ITPKC: variants seen among roughly 807,000 people sequenced by gnomAD.
The protein encoded by ITPKC is inositol-trisphosphate 3-kinase C, also known as IP3 3-kinase C.
ITPKC carries 33 observed loss-of-function variants against 67.1 expected under a neutral mutation model. The ratio of observed to expected loss-of-function variants is 0.49; its 90% CI spans 0.37 to 0.66. The LOEUF (loss-of-function observed/expected upper bound fraction) is 0.66. ITPKC is among the 30% of genes least tolerant of loss of function. ITPKC has a pLI of 0.00. For missense variants in ITPKC, 820 were observed against 892.1 expected (o/e 0.92, Z 1.03); for synonymous variants, 341 against 359.8 (o/e 0.95, Z 0.59).
rs1177732392 is a variant in ITPKC at position 40,740,024 on chromosome 19, T to C, written c.*464T>C. 3 of 173,406 alleles carry C rather than the reference T, an allele frequency of 1.7e-5. No homozygotes were observed. Among genetic ancestry groups the C allele is most frequent in the African/African-American group, 7.2e-5 (3 of 41,800 alleles). The allele number at this position is 173,406 out of a possible 1,614,324, so 10.7% of individuals were successfully genotyped here. A position where few individuals can be genotyped will look rare whatever the true frequency, so the allele number is the denominator to read the frequency against. On this transcript the variant is annotated 3_prime_UTR_variant, in exon 7 of 7. Transcript: ENST00000263370. ...GTGGCGCCTCAGAGGGTCAGCATCA[T>C]TGGTGAACAGATGCAGGCGCTGCTG...
intron 4 of ITPKC, among the ~76,000 whole-genome samples, chr19:40,734,216 T>C (rs896038046): frequency 6.6e-6 from 1 of 152,162 alleles, no homozygotes; most frequent in Non-Finnish European, 1.5e-5. Flanking sequence ...TGTTTTTTTT[T>C]CCCCCACAGC....
intron 1 of ITPKC, among the ~76,000 whole-genome samples, chr19:40,721,278 G>C (rs76870783): frequency 0.019 from 2,958 of 152,074 alleles, 36 homozygotes; most frequent in Non-Finnish European, 0.028. Flanking sequence ...GGGTATCAGA[G>C]AGGGCTTCCT....
chr19:40,732,082 C>T (rs2082273482), intron 3 of ITPKC, among the ~76,000 whole-genome samples: 1 of 151,668 alleles, frequency 6.6e-6, no homozygotes, highest in African/African-American at 2.4e-5. Context: ...TAAAAAAATA[C>T]AAAAATGTGC....
chr19:40,725,520 C>A, intron 2 of ITPKC, 81 bp downstream of exon 2: 1 of 968,410 alleles, frequency 1.0e-6, no homozygotes, highest in Non-Finnish European at 1.7e-6. Context: ...TTAGTTCCCC[C>A]ACCTAGTGAT....
At position 40,737,739 on chromosome 19, in the gene ITPKC, G is replaced by A. The variant is rs201578269; in HGVS notation, c.1818G>A (p.Leu606=). The A allele has an allele frequency of 5.0e-6, 8 of 1,614,140 alleles. No homozygotes were observed. The highest frequency in any genetic ancestry group is 6.8e-6 in the Non-Finnish European group (8 of 1,180,010). The change falls in exon 6 of 7, where the codon CTG becomes CTA. Residue 606 remains leucine (L), a synonymous_variant. Coordinates refer to ENST00000263370, the MANE Select transcript of ITPKC (RefSeq NM_025194.3). ...VACLEELREA[L]EISPFFKTHE... ...GCCTAGAAGAACTTCGTGAAGCTCT[G>A]GAGATCTCCCCCTTCTTCAAGACCC...
intron 1 of ITPKC, among the ~76,000 whole-genome samples, chr19:40,718,762 C>T (rs140899790): frequency 5.9e-5 from 9 of 152,254 alleles, no homozygotes; most frequent in Admixed American, 1.3e-4. Flanking sequence ...CCTTCACCAC[C>T]CCTTAGCCTA....
chr19:40,739,567 C>T lies in ITPKC; in HGVS notation c.*7C>T. 6.2e-7 allele frequency: 1 copy of T among 1,609,634 alleles called. No homozygotes were observed. Among genetic ancestry groups the T allele is most frequent in the Non-Finnish European group, 8.5e-7 (1 of 1,177,934 alleles). On this transcript the variant is annotated 3_prime_UTR_variant, in exon 7 of 7. Coordinates refer to ENST00000263370, the MANE Select transcript of ITPKC (RefSeq NM_025194.3). ...GGGGCTGGCACAGAGCTGAGCTGCTCAGCCACCATCAGGTTAATTGGATGG... is the reference window on the plus strand; with the variant it reads ...GGGGCTGGCACAGAGCTGAGCTGCTTAGCCACCATCAGGTTAATTGGATGG...
intron 6 of ITPKC, among the ~76,000 whole-genome samples, chr19:40,738,615 G>C (rs2082306632): frequency 6.6e-6 from 1 of 152,212 alleles, no homozygotes; most frequent in Non-Finnish European, 1.5e-5. Flanking sequence ...AGGAGGCTGA[G>C]GCAGGAAGAG....
chr19:40,727,498 C>T (rs1007310051), intron 2 of ITPKC, among the ~76,000 whole-genome samples: 6 of 152,150 alleles, frequency 3.9e-5, no homozygotes, highest in African/African-American at 1.4e-4. Flanking sequence ...GCAGGGATGG[C>T]TTTTCACTGC....
chr19:40,740,516 G>GGGT lies in ITPKC; in HGVS notation c.*959_*961dup, dbSNP rs1234264987. ...GCGCTGGGTGTGTGTCAGAGGCGCA[G>GGGT]GGTGGGTGGGGCTGCCAGCCAGGAC... On this transcript the variant is annotated 3_prime_UTR_variant, in exon 7 of 7. Transcript: ENST00000263370. The GGGT allele has an allele frequency of 1.4e-5, 3 of 212,114 alleles. No individual in the cohort carries two copies. The highest frequency in any genetic ancestry group is 2.8e-5 in the Non-Finnish European group (3 of 106,456). 13.1% of individuals were successfully genotyped at this position (212,114 alleles called of 1,614,324 possible). A position where few individuals can be genotyped will look rare whatever the true frequency, so the allele number is the denominator to read the frequency against.
chr19:40,732,972 C>T (rs1249751388), intron 3 of ITPKC, among the ~76,000 whole-genome samples, 188 bp from the exon 4 acceptor site: 3 of 152,186 alleles, frequency 2.0e-5, no homozygotes, highest in African/African-American at 7.2e-5. Context: ...TCCCTTTCCC[C>T]ACTGAATTGC....
At chr19:40,733,106 A>G in intron 3 of ITPKC, 54 bp from the exon 4 acceptor site, 1 of 1,499,352 alleles carries the variant, frequency 6.7e-7, no homozygotes. Flanking sequence ...AGGAAGGGTA[A>G]GCCCTCCAGT....
intron 3 of ITPKC, among the ~76,000 whole-genome samples, chr19:40,729,977 A>C (rs914677611): frequency 6.6e-6 from 1 of 151,894 alleles, no homozygotes; most frequent in Non-Finnish European, 1.5e-5. Context: ...GTCTTACTCT[A>C]TCGCCCAGGC....
chr19:40,732,444 C>T (rs1387749986), intron 3 of ITPKC, among the ~76,000 whole-genome samples: 9 of 145,442 alleles, frequency 6.2e-5, no homozygotes, highest in South Asian at 2.1e-4. Context: ...GCAGGAGAAT[C>T]GCTTGAATCC....
intron 1 of ITPKC, among the ~76,000 whole-genome samples, chr19:40,724,963 AG>A (rs67214886): frequency 0.097 from 14,010 of 144,452 alleles, 1,091 homozygotes; most frequent in East Asian, 0.21. Context: ...AAAAAAAAAA[AG>A]AAGATTTGGA....
chr19:40,739,680 G>C lies in ITPKC; in HGVS notation c.*120G>C, dbSNP rs758522674. 3.7e-5 allele frequency: 32 copies of C among 859,456 alleles called. No individual in the cohort carries two copies. The highest frequency in any genetic ancestry group is 5.0e-5 in the Non-Finnish European group (28 of 559,646). 53.2% of individuals were successfully genotyped at this position (859,456 alleles called of 1,614,324 possible). On this transcript the variant is annotated 3_prime_UTR_variant, in exon 7 of 7. Transcript: ENST00000263370. ...CTGGCCTCCAGGGACGGGAGAGATT[G>C]TGTCATGTGCCACACGAGACCAACG...
In ITPKC at chr19:40,740,625, T is replaced by G. The variant is rs2082324172; in HGVS notation, c.*1065T>G. On this transcript the variant is annotated 3_prime_UTR_variant, in exon 7 of 7. Coordinates refer to ENST00000263370, the MANE Select transcript of ITPKC (RefSeq NM_025194.3). ...CCCCTCCAGCACCCATAGCCAGGTC[T>G]TCCTGGCCCTTGAGGCTGGGCTGGC... The G allele has an allele frequency of 3.9e-6, 1 of 256,492 alleles. No homozygotes were observed. Among genetic ancestry groups the G allele is most frequent in the Non-Finnish European group, 7.4e-6 (1 of 135,014 alleles). 15.9% of individuals were successfully genotyped at this position (256,492 alleles called of 1,614,324 possible).
At chr19:40,724,464 G>A (rs2082236868) in intron 1 of ITPKC, among the ~76,000 whole-genome samples, 1 of 152,128 alleles carries the variant, frequency 6.6e-6, no homozygotes, top group Admixed American at 6.6e-5. Context: ...ACTAATAGCT[G>A]GAGCTATGTG....
At chr19:40,719,273 G>T (rs1392625138) in intron 1 of ITPKC, among the ~76,000 whole-genome samples, 1 of 152,120 alleles carries the variant, frequency 6.6e-6, no homozygotes, top group Non-Finnish European at 1.5e-5. Context: ...GTGCCTGTGT[G>T]CAGGGGCTGA....
Sources: allele counts gnomAD v4.1 joint callset (sites outside exome capture counted in the v4.1 genomes callset), GRCh38; gene constraint gnomAD v4.1.1; transcripts MANE v1.5; gene names NCBI Gene and HGNC (gene_info 2026-07-23, HGNC 2026-07-21).